PPP1R3B: variants seen among roughly 807,000 people sequenced by gnomAD.
The protein encoded by PPP1R3B is protein phosphatase 1 regulatory subunit 3B, also known as PP1 subunit R4.
Under a neutral mutation model 14.6 loss-of-function variants are expected in PPP1R3B, and 8 were observed. The observed-to-expected ratio is 0.55, with a 90% CI of 0.32 to 0.99. PPP1R3B has a LOEUF of 0.99. Among genes scored for constraint, PPP1R3B ranks in the 50% least tolerant of loss-of-function variants. The pLI, the probability that PPP1R3B is intolerant of heterozygous loss-of-function variation, is 0.04. For synonymous variants in PPP1R3B, 169 were observed against 142.0 expected, an observed-to-expected ratio of 1.19 and a Z score of -1.35; for missense variants, 452 against 360.1, an observed-to-expected ratio of 1.26 and a Z score of -2.07.
chr8:9,139,535 G>C lies in PPP1R3B; in HGVS notation c.*1259C>G, dbSNP rs1405900731. 1 of 151,966 alleles carries C rather than the reference G, an allele frequency of 6.6e-6. No individual in the cohort carries two copies. The highest frequency in any genetic ancestry group is 2.4e-5 in the African/African-American group (1 of 41,352). 9.4% of individuals were successfully genotyped at this position (151,966 alleles called of 1,614,324 possible). On this transcript the variant is annotated 3_prime_UTR_variant, in exon 2 of 2. Coordinates refer to ENST00000310455, the MANE Select transcript of PPP1R3B (RefSeq NM_024607.4). Reference sequence around the variant, plus strand: ...GCAGAAAAGATGACTCTTTGGGAAAGGAGATTCAAAATTCTCTTTTTTTTT... The same window carrying C: ...GCAGAAAAGATGACTCTTTGGGAAACGAGATTCAAAATTCTCTTTTTTTTT...
chr8:9,141,074 G>C lies in PPP1R3B; in HGVS notation c.578C>G (p.Ser193Cys). The C allele has an allele frequency of 6.2e-7, 1 of 1,614,176 alleles. No homozygotes were observed. The highest frequency in any genetic ancestry group is 1.3e-5 in the African/African-American group (1 of 75,036). The stretch of plus-strand genomic sequence containing the variant: ...CTTCTCGGGCAAGCTGATGTCGAAG[G>C]AGAACGTGTCCCTGTCTGAACCGGC... ...TYAGSDRDTF[S>C]FDISLPEKIQ... Residue 193 changes from serine to cysteine, a missense_variant, in exon 2 of 2, where the codon TCC becomes TGC. Transcript: ENST00000310455.
chr8:9,145,331 C>T (rs1339897023), intron 1 of PPP1R3B: 1 of 152,366 alleles, frequency 6.6e-6, no homozygotes, highest in Non-Finnish European at 1.5e-5. Flanking sequence ...CTTCCTCCTC[C>T]TCAGCCTACT....
intron 1 of PPP1R3B, among the ~76,000 whole-genome samples, chr8:9,142,653 A>G (rs570592251): frequency 1.3e-5 from 2 of 152,210 alleles, no homozygotes; most frequent in East Asian, 3.9e-4. Flanking sequence ...TCCTTTGGCC[A>G]AAGGATACCT....
rs750679364 is a variant in PPP1R3B at position 9,141,102 on chromosome 8, AAGTGTCCT to A, written c.542_549del (p.Lys181IlefsTer23). 1 of 1,613,994 alleles carries A rather than the reference AAGTGTCCT, an allele frequency of 6.2e-7. No individual in the cohort carries two copies. Among genetic ancestry groups the A allele is most frequent in the Non-Finnish European group, 8.5e-7 (1 of 1,180,038 alleles). ...AACGTGTCCCTGTCTGAACCGGCATAAGTGTCCTTCACGTACTGACAAGGAAAGTCTGT... is the reference window on the plus strand; with the variant it reads ...AACGTGTCCCTGTCTGAACCGGCATATCACGTACTGACAAGGAAAGTCTGT... On this transcript the variant is annotated frameshift_variant, in exon 2 of 2. Transcript: ENST00000310455. LOFTEE classifies it high-confidence loss of function.
chr8:9,148,632 A>G (rs1801313838), intron 1 of PPP1R3B, among the ~76,000 whole-genome samples: 3 of 152,228 alleles, frequency 2.0e-5, no homozygotes, highest in Admixed American at 2.0e-4. Context: ...AAACCCTAAC[A>G]GATCATGGAG....
upstream of PPP1R3B, chr8:9,151,379 C>T (rs1311916783): frequency 6.4e-6 from 1 of 156,180 alleles, no homozygotes; most frequent in Non-Finnish European, 1.4e-5. Context: ...AGGGCAGACG[C>T]GCCAGCCCGC....
At chr8:9,145,683 A>C (rs1801221034) in intron 1 of PPP1R3B, among the ~76,000 whole-genome samples, 1 of 152,200 alleles carries the variant, frequency 6.6e-6, no homozygotes, top group African/African-American at 2.4e-5. Context: ...AAAAAAGACT[A>C]GAGATATATA....
At position 9,136,319 on chromosome 8, in the gene PPP1R3B, C is replaced by A. The variant is rs181238355; in HGVS notation, c.*4475G>T. On this transcript the variant is annotated 3_prime_UTR_variant, in exon 2 of 2. Transcript: ENST00000310455. ...ATACAAACCAACCTCTCATACCACA[C>A]AAAGAACATCCATTCTTGGGATTTT... 6.6e-6 allele frequency: 1 copy of A among 152,230 alleles called. No individual in the cohort carries two copies. The highest frequency in any genetic ancestry group is 6.5e-5 in the Admixed American group (1 of 15,292). The allele number at this position is 152,230 out of a possible 1,614,324, so 9.4% of individuals were successfully genotyped here. A position where few individuals can be genotyped will look rare whatever the true frequency, so the allele number is the denominator to read the frequency against.
In PPP1R3B at chr8:9,139,393, C is replaced by G. The variant is rs1800994838; in HGVS notation, c.*1401G>C. On this transcript the variant is annotated 3_prime_UTR_variant, in exon 2 of 2. Transcript: ENST00000310455. ...ACACCATAAATAAGAACACCCAAGT[C>G]CATGTCCCTGGGTGCTGGTAAAGTG... The G allele has an allele frequency of 6.6e-6, 1 of 152,202 alleles. No homozygotes were observed. Among genetic ancestry groups the G allele is most frequent in the African/African-American group, 2.4e-5 (1 of 41,450 alleles). 9.4% of individuals were successfully genotyped at this position (152,202 alleles called of 1,614,324 possible). A position where few individuals can be genotyped will look rare whatever the true frequency, so the allele number is the denominator to read the frequency against.
rs574332090 is a variant in PPP1R3B, at chr8:9,136,813, A to G, written c.*3981T>C. On this transcript the variant is annotated 3_prime_UTR_variant, in exon 2 of 2. Coordinates refer to ENST00000310455, the MANE Select transcript of PPP1R3B (RefSeq NM_024607.4). ...ACTACATTCAGGTGAGAAATTTTAG[A>G]AGAGGAAACAAATAAAAGGCAACCA... The G allele has an allele frequency of 6.6e-6, 1 of 152,218 alleles. No homozygotes were observed. The highest frequency in any genetic ancestry group is 2.4e-5 in the African/African-American group (1 of 41,458). 9.4% of individuals were successfully genotyped at this position (152,218 alleles called of 1,614,324 possible). A position where few individuals can be genotyped will look rare whatever the true frequency, so the allele number is the denominator to read the frequency against.
chr8:9,141,228 C>T lies in PPP1R3B; in HGVS notation c.424G>A (p.Asp142Asn). The change falls in exon 2 of 2, where the codon GAC becomes AAC. Residue 142 changes from aspartate (D) to asparagine (N), a missense_variant. Physicochemically the swap from Asp to Asn is conservative, Grantham distance 23 (BLOSUM62 1). Transcript: ENST00000310455. Reference sequence around the variant, plus strand: ...TTCACAGTGCCTGCAATGGCCTTGTCCTTGAGCACACAGTTCTCAAGGCAG... The same window carrying T: ...TTCACAGTGCCTGCAATGGCCTTGTTCTTGAGCACACAGTTCTCAAGGCAG... ...HVCLENCVLK[D>N]KAIAGTVKVQ... 6.2e-7 allele frequency: 1 copy of T among 1,614,174 alleles called. No individual in the cohort carries two copies. The highest frequency in any genetic ancestry group is 8.5e-7 in the Non-Finnish European group (1 of 1,180,030).
rs929272570 is a variant in PPP1R3B, at chr8:9,140,698, C to T, written c.*96G>A. ...TCCCAAACGGGGCCTCATGGAAGTTCCACGTTGCTCCTCCCTGGCCTTCCA... is the reference window on the plus strand; with the variant it reads ...TCCCAAACGGGGCCTCATGGAAGTTTCACGTTGCTCCTCCCTGGCCTTCCA... On this transcript the variant is annotated 3_prime_UTR_variant, in exon 2 of 2. Transcript: ENST00000310455. 3.8e-6 allele frequency: 5 copies of T among 1,331,600 alleles called. No homozygotes were observed. Among genetic ancestry groups the T allele is most frequent in the Non-Finnish European group, 5.2e-6 (5 of 970,200 alleles). 82.5% of individuals were successfully genotyped at this position (1,331,600 alleles called of 1,614,324 possible). A position where few individuals can be genotyped will look rare whatever the true frequency, so the allele number is the denominator to read the frequency against.
rs1278787080 is a variant in PPP1R3B at position 9,141,236 on chromosome 8, A to G, written c.416T>C (p.Val139Ala). The change falls in exon 2 of 2, where the codon GTG becomes GCG. Residue 139 changes from valine (V) to alanine (A), a missense_variant. Coordinates refer to ENST00000310455, the MANE Select transcript of PPP1R3B (RefSeq NM_024607.4). ...GCCTGCAATGGCCTTGTCCTTGAGC[A>G]CACAGTTCTCAAGGCAGACGTGGTC... The part of the protein sequence containing the change: ...QADHVCLENC[V>A]LKDKAIAGTV... The G allele has an allele frequency of 6.8e-6, 11 of 1,614,054 alleles. No homozygotes were observed. The East Asian group carries it at 2.2e-4, about 33-fold the overall frequency.
intron 1 of PPP1R3B, chr8:9,141,909 CAA>C (rs918167497): frequency 2.2e-5 from 9 of 408,264 alleles, no homozygotes; most frequent in East Asian, 1.3e-4. Context: ...TTAAAACAAA[CAA>C]AAGAGTATGA....
Position 9,140,937 on chromosome 8 carries a change from A to G in PPP1R3B, c.715T>C (p.Ser239Pro), listed in dbSNP as rs746414511. 1.2e-6 allele frequency: 2 copies of G among 1,614,192 alleles called. No individual in the cohort carries two copies. Among genetic ancestry groups the G allele is most frequent in the South Asian group, 2.2e-5 (2 of 91,086 alleles). The change falls in exon 2 of 2, where the codon TCT becomes CCT. Residue 239 changes from serine (S) to proline (P), a missense_variant. Physicochemically the swap from Ser to Pro is moderately conservative, Grantham distance 74. Transcript: ENST00000310455. ...NYRIIRAELK[S>P]TQGMTKPHSG... ...TGGGGCTTGGTCATTCCCTGGGTAG[A>G]TTTTAACTCAGCCCGGATGATCCTA...
chr8:9,147,869 G>A (rs1336653745), intron 1 of PPP1R3B, among the ~76,000 whole-genome samples: 1 of 152,068 alleles, frequency 6.6e-6, no homozygotes, highest in Admixed American at 6.5e-5. Context: ...GGTTATGATG[G>A]CTCAAGAGTT....
In PPP1R3B at chr8:9,141,600, G is replaced by A. The variant is rs376926182; in HGVS notation, c.52C>T (p.Arg18Cys). 1.3e-5 allele frequency: 21 copies of A among 1,613,860 alleles called. No homozygotes were observed. Among genetic ancestry groups the A allele is most frequent in the East Asian group, 6.7e-5 (3 of 44,886 alleles). Residue 18 changes from arginine (R) to cysteine (C), a missense_variant, in exon 2 of 2, where the codon CGC (arginine) becomes TGC (cysteine). By Grantham distance (180) the Arg-to-Cys change is radical. Transcript: ENST00000310455. The stretch of plus-strand genomic sequence containing the variant: ...ATCTTAAAGGCAAACCTCTCTTGGC[G>A]CAAGGAAGGAGCCATGCAGTTGTAT... ...YRYNCMAPSL[R>C]QERFAFKISP... is the part of the protein sequence containing the mutation.
chr8:9,147,351 C>A (rs887844997), intron 1 of PPP1R3B, among the ~76,000 whole-genome samples: 3 of 152,086 alleles, frequency 2.0e-5, no homozygotes, highest in African/African-American at 7.2e-5. Context: ...TCTGGCATCC[C>A]AGTGCCCCCC....
At chr8:9,149,228 T>C (rs1185852394) in intron 1 of PPP1R3B, among the ~76,000 whole-genome samples, 5 of 134,348 alleles carry the variant, frequency 3.7e-5, no homozygotes, top group Admixed American at 1.6e-4. Flanking sequence ...AGGCCGGGCG[T>C]GGTGGCTCAC....
Sources: allele counts gnomAD v4.1 joint callset (sites outside exome capture counted in the v4.1 genomes callset), GRCh38; gene constraint gnomAD v4.1.1; transcripts MANE v1.5; gene names NCBI Gene and HGNC (gene_info 2026-07-23, HGNC 2026-07-21).